Variants in AGMO observed in about 807,000 individuals in gnomAD.
The protein encoded by AGMO is glyceryl-ether monooxygenase.
AGMO carries 75 observed loss-of-function variants against 60.2 expected under a neutral mutation model. The observed-to-expected ratio is 1.25, with a 90% CI of 1.03 to 1.51. The LOEUF (loss-of-function observed/expected upper bound fraction) is 1.51. Among genes scored for constraint, AGMO ranks in the 40% most tolerant of loss-of-function variants. The pLI is 0.00. For missense variants in AGMO, 763 were observed against 525.5 expected, an observed-to-expected ratio of 1.45 and a Z score of -4.42; for synonymous variants, 261 against 177.1, an observed-to-expected ratio of 1.47 and a Z score of -3.76.
intron 3 of AGMO, among the ~76,000 whole-genome samples, chr7:15,528,734 C>T (rs1303943207): frequency 2.6e-5 from 4 of 152,016 alleles, no homozygotes; most frequent in East Asian, 1.9e-4. Flanking sequence ...CCGCAACCTC[C>T]GCCTCCTAGG....
chr7:15,229,048 G>A (rs1782173350), intron 12 of AGMO, among the ~76,000 whole-genome samples: 1 of 151,986 alleles, frequency 6.6e-6, no homozygotes, highest in Non-Finnish European at 1.5e-5. Context: ...ACTTGTAATG[G>A]GATGTTTCCA....
At position 15,314,383 on chromosome 7, in the gene AGMO, G is replaced by C. The variant is rs547156716; in HGVS notation, c.1263+51131C>G. 2.0e-5 allele frequency among the ~76,000 whole-genome samples: 3 copies of C among 152,202 alleles called. No individual in the cohort carries two copies. The East Asian group carries it at 5.8e-4, about 30-fold the overall frequency. Reference sequence around the variant, plus strand: ...TTGAGTCATACATATATTTTGTTCAGTAACAGGAAAATAGGACAAAAAATC... The same window carrying C: ...TTGAGTCATACATATATTTTGTTCACTAACAGGAAAATAGGACAAAAAATC... On this transcript the variant is annotated intron_variant, in intron 12 of 12. Transcript: ENST00000342526.
the AGMO span, among the ~76,000 whole-genome samples, chr7:15,185,994 T>C: frequency 6.6e-6 from 1 of 152,340 alleles, no homozygotes; most frequent in East Asian, 1.9e-4. Flanking sequence ...GTGGGCAAGA[T>C]GTCTAGTTAC....
chr7:15,329,667 A>T (rs1781444203), intron 12 of AGMO, among the ~76,000 whole-genome samples: 1 of 152,198 alleles, frequency 6.6e-6, no homozygotes, highest in Admixed American at 6.6e-5. Flanking sequence ...TTCTTGATAT[A>T]TCCTGTCCAT....
intron 10 of AGMO, among the ~76,000 whole-genome samples, chr7:15,384,270 A>T (rs1783822337): frequency 6.6e-6 from 1 of 152,132 alleles, no homozygotes; most frequent in African/African-American, 2.4e-5. Flanking sequence ...CACTAGTTTA[A>T]GCTGCTATGT....
chr7:15,477,124 G>A (rs909439504), intron 3 of AGMO, among the ~76,000 whole-genome samples: 1 of 146,972 alleles, frequency 6.8e-6, no homozygotes, highest in Non-Finnish European at 1.5e-5. Context: ...ATTTATTTTA[G>A]AACATTCTTT....
chr7:15,342,248 C>T (rs896875314), intron 12 of AGMO, among the ~76,000 whole-genome samples: 2 of 143,136 alleles, frequency 1.4e-5, no homozygotes, highest in African/African-American at 5.3e-5. Context: ...GAAAAGAAGT[C>T]TCTAGCAGCT....
At chr7:15,364,748 G>C (rs1284911261) in intron 12 of AGMO, among the ~76,000 whole-genome samples, 1 of 151,994 alleles carries the variant, frequency 6.6e-6, no homozygotes, top group Non-Finnish European at 1.5e-5. Context: ...AATAATGAAA[G>C]TGTATATACT....
At chr7:15,242,908 T>A (rs1378620251) in intron 12 of AGMO, among the ~76,000 whole-genome samples, 2 of 152,094 alleles carry the variant, frequency 1.3e-5, no homozygotes, top group East Asian at 1.9e-4. Flanking sequence ...TGAATGCTAC[T>A]ACAATATTTT....
chr7:15,226,915 GT>G (rs1782100823), intron 12 of AGMO, among the ~76,000 whole-genome samples: 1 of 151,928 alleles, frequency 6.6e-6, no homozygotes, highest in African/African-American at 2.4e-5. Context: ...ATCTCTCAAA[GT>G]CAGTATTTCC....
chr7:15,258,208 T>C lies in AGMO; in HGVS notation c.1264-56849A>G, dbSNP rs10235855. On this transcript the variant is annotated intron_variant, in intron 12 of 12. Transcript: ENST00000342526. ...TTAATACTTTTTTATGGCTTTCAAT[T>C]TCAAAGCACACAATCTGAAATAAAT... Among the ~76,000 whole-genome samples, 1,350 of 152,284 alleles carry C rather than the reference T, an allele frequency of 8.9e-3. 18 individuals carry two copies. Among genetic ancestry groups the C allele is most frequent in the African/African-American group, 0.031 (1,275 of 41,540 alleles).
At chr7:15,219,325 G>C (rs923195821) in intron 12 of AGMO, among the ~76,000 whole-genome samples, 1 of 152,090 alleles carries the variant, frequency 6.6e-6, no homozygotes, top group Non-Finnish European at 1.5e-5. Flanking sequence ...ATGAAGTGCT[G>C]GAGCACAGTA....
intron 12 of AGMO, among the ~76,000 whole-genome samples, chr7:15,277,200 C>T (rs575886179): frequency 1.3e-4 from 19 of 151,832 alleles, no homozygotes; most frequent in African/African-American, 2.9e-4. Flanking sequence ...CCCAGCTAGT[C>T]GGGAGGCTGA....
intron 3 of AGMO, among the ~76,000 whole-genome samples, chr7:15,498,723 T>C (rs1157832522): frequency 6.6e-6 from 1 of 151,940 alleles, no homozygotes; most frequent in African/African-American, 2.4e-5. Context: ...ACTACAAGTG[T>C]CTAATTTAAT....
the AGMO span, among the ~76,000 whole-genome samples, chr7:15,181,793 T>C: frequency 6.6e-6 from 1 of 152,210 alleles, no homozygotes; most frequent in Non-Finnish European, 1.5e-5. Context: ...AAACAAGAAA[T>C]ACTTTTACTG....
chr7:15,122,476 C>T, the AGMO span, among the ~76,000 whole-genome samples: 45 of 152,184 alleles, frequency 3.0e-4, no homozygotes, highest in Middle Eastern at 6.8e-3. Context: ...CAGATTCATA[C>T]GTTCAATTGC....
intron 3 of AGMO, among the ~76,000 whole-genome samples, chr7:15,491,402 T>C (rs1337414926): frequency 6.6e-6 from 1 of 152,236 alleles, no homozygotes; most frequent in African/African-American, 2.4e-5. Context: ...GTATTTATTC[T>C]AGTTGCCCTC....
chr7:15,131,545 A>G, the AGMO span, among the ~76,000 whole-genome samples: 1 of 152,110 alleles, frequency 6.6e-6, no homozygotes, highest in African/African-American at 2.4e-5. Context: ...GTTGTGGATG[A>G]AGATTACATA....
chr7:15,278,255 C>T (rs991456723), intron 12 of AGMO, among the ~76,000 whole-genome samples: 5 of 152,190 alleles, frequency 3.3e-5, no homozygotes, highest in African/African-American at 1.2e-4. Context: ...AGTGACTTTA[C>T]CTTTCAGAAC....
Sources: allele counts gnomAD v4.1 joint callset (sites outside exome capture counted in the v4.1 genomes callset), GRCh38; gene constraint gnomAD v4.1.1; transcripts MANE v1.5; gene names NCBI Gene and HGNC (gene_info 2026-07-23, HGNC 2026-07-21).